Variants in POU2F1 observed in about 807,000 individuals in gnomAD.
POU2F1 encodes the protein POU domain, class 2, transcription factor 1.
POU2F1 carries 16 observed loss-of-function variants against 84.9 expected under a neutral mutation model. The observed-to-expected ratio is 0.19, with a 90% CI of 0.13 to 0.29. The LOEUF is 0.29. Ranked by LOEUF, POU2F1 falls within the 10% of genes least tolerant of loss-of-function variation. The pLI, the probability that POU2F1 is intolerant of heterozygous loss-of-function variation, is 1.00. For synonymous variants in POU2F1, 368 were observed against 368.3 expected (o/e 1.00, Z 0.01); for missense variants, 738 against 942.6 (o/e 0.78, Z 2.84).
At chr1:167,242,967 T>G (rs1054239819) in intron 1 of POU2F1, among the ~76,000 whole-genome samples, 1 of 151,798 alleles carries the variant, frequency 6.6e-6, no homozygotes, top group South Asian at 2.1e-4. Context: ...TCCCCCGCTT[T>G]CTTTCTTATT....
intron 1 of POU2F1, among the ~76,000 whole-genome samples, chr1:167,271,464 A>G (rs1274119705): frequency 6.6e-6 from 1 of 152,244 alleles, no homozygotes; most frequent in Non-Finnish European, 1.5e-5. Context: ...AAAAGGCATA[A>G]TAAGATTGGT....
intron 9 of POU2F1, among the ~76,000 whole-genome samples, chr1:167,391,220 G>A (rs756282733): frequency 6.6e-6 from 1 of 152,120 alleles, no homozygotes; most frequent in African/African-American, 2.4e-5. Context: ...GATTACAGGT[G>A]TGAGCCACTG....
intron 1 of POU2F1, among the ~76,000 whole-genome samples, chr1:167,319,374 C>G (rs1656151634): frequency 6.6e-6 from 1 of 152,120 alleles, no homozygotes. Context: ...TGTTTAGCTG[C>G]TGATAACATC....
At position 167,419,832 on chromosome 1, in the gene POU2F1, A is replaced by G. The variant is rs1233052730; in HGVS notation, c.*4022A>G. 1.3e-5 allele frequency: 2 copies of G among 152,246 alleles called. No homozygotes were observed. Among genetic ancestry groups the G allele is most frequent in the African/African-American group, 2.4e-5 (1 of 41,468 alleles). The allele number at this position is 152,246 out of a possible 1,614,324, so 9.4% of individuals were successfully genotyped here. A position where few individuals can be genotyped will look rare whatever the true frequency, so the allele number is the denominator to read the frequency against. On this transcript the variant is annotated 3_prime_UTR_variant, in exon 16 of 16. Transcript: ENST00000367866. ...ATTTTGTGTAGAATCATACCTACTT[A>G]TACTTAATGCTAGCACTGTAAGAAA... is the stretch of plus-strand genomic sequence containing the variant.
At chr1:167,233,581 G>A (rs1249132416) in intron 1 of POU2F1, among the ~76,000 whole-genome samples, 2 of 152,170 alleles carry the variant, frequency 1.3e-5, no homozygotes, top group African/African-American at 4.8e-5. Context: ...TATACCATTT[G>A]GGTTTGTGTA....
At chr1:167,260,147 G>A (rs1651450130) in intron 1 of POU2F1, among the ~76,000 whole-genome samples, 1 of 152,128 alleles carries the variant, frequency 6.6e-6, no homozygotes, top group South Asian at 2.1e-4. Flanking sequence ...CAAAGTGCTG[G>A]GGTTACAGGC....
At chr1:167,339,492 A>G (rs1657693967) in intron 2 of POU2F1, among the ~76,000 whole-genome samples, 1 of 152,248 alleles carries the variant, frequency 6.6e-6, no homozygotes, top group African/African-American at 2.4e-5. Context: ...TAAATCAACT[A>G]TTTTGATGTA....
chr1:167,222,444 T>G (rs1446230961), intron 1 of POU2F1, among the ~76,000 whole-genome samples: 1 of 152,172 alleles, frequency 6.6e-6, no homozygotes, highest in Non-Finnish European at 1.5e-5. Flanking sequence ...CGTGTTTATA[T>G]TTTACATTCG....
intron 1 of POU2F1, among the ~76,000 whole-genome samples, chr1:167,314,269 A>G (rs1024860717): frequency 1.3e-5 from 2 of 152,154 alleles, no homozygotes; most frequent in African/African-American, 4.8e-5. Context: ...ATGGATGGCA[A>G]ATAAGCACAT....
At chr1:167,317,650 A>G (rs1656003941) in intron 1 of POU2F1, among the ~76,000 whole-genome samples, 2 of 152,218 alleles carry the variant, frequency 1.3e-5, no homozygotes, top group Admixed American at 1.3e-4. Flanking sequence ...TCATGCTATT[A>G]TTTGTGGTTC....
At chr1:167,340,707 A>G (rs1657789710) in intron 2 of POU2F1, among the ~76,000 whole-genome samples, 2 of 151,996 alleles carry the variant, frequency 1.3e-5, no homozygotes, top group South Asian at 4.1e-4. Flanking sequence ...GATTATAGGC[A>G]TGAGCCACCA....
intron 7 of POU2F1, chr1:167,379,284 C>T (rs902753259): frequency 6.6e-6 from 1 of 152,112 alleles, no homozygotes; most frequent in Admixed American, 6.5e-5. Flanking sequence ...ATAAGAAAGT[C>T]TTCTGTCAAC....
At chr1:167,245,858 A>C (rs565514416) in intron 1 of POU2F1, among the ~76,000 whole-genome samples, 1 of 152,364 alleles carries the variant, frequency 6.6e-6, no homozygotes, top group East Asian at 1.9e-4. Context: ...TCCGTGGCTC[A>C]ACTCAAATAA....
chr1:167,254,935 C>G (rs892259450), intron 1 of POU2F1, among the ~76,000 whole-genome samples: 1 of 152,278 alleles, frequency 6.6e-6, no homozygotes, highest in East Asian at 1.9e-4. Flanking sequence ...CTGCCAGGAA[C>G]AATTTGAAGT....
chr1:167,322,553 A>T (rs1483135999), intron 1 of POU2F1, among the ~76,000 whole-genome samples: 1 of 152,198 alleles, frequency 6.6e-6, no homozygotes. Flanking sequence ...GGGGACAGGC[A>T]TTGTACAGGG....
At chr1:167,259,703 T>C (rs886220095) in intron 1 of POU2F1, among the ~76,000 whole-genome samples, 10 of 152,186 alleles carry the variant, frequency 6.6e-5, no homozygotes, top group African/African-American at 2.4e-4. Flanking sequence ...CGAGAGTGAC[T>C]ATATCAATTT....
At chr1:167,391,356 G>A (rs1648385402) in intron 9 of POU2F1, among the ~76,000 whole-genome samples, 1 of 151,882 alleles carries the variant, frequency 6.6e-6, no homozygotes, top group Non-Finnish European at 1.5e-5. Flanking sequence ...GTGCCTTTAT[G>A]GAATCAGGAG....
chr1:167,278,900 G>A (rs538090406), intron 1 of POU2F1, among the ~76,000 whole-genome samples: 33 of 152,108 alleles, frequency 2.2e-4, no homozygotes, highest in African/African-American at 6.0e-4. Flanking sequence ...GTGTCTTTGA[G>A]TATGATTCTT....
intron 1 of POU2F1, among the ~76,000 whole-genome samples, chr1:167,282,209 C>G (rs1653197270): frequency 6.6e-6 from 1 of 151,626 alleles, no homozygotes; most frequent in Non-Finnish European, 1.5e-5. Context: ...GTGGCGCGAT[C>G]CCGGCTCACT....
Sources: gnomAD v4.1 joint callset for allele counts (sites outside exome capture counted in the v4.1 genomes callset) on GRCh38, gnomAD v4.1.1 for gene constraint, MANE v1.5 for transcripts, NCBI Gene and HGNC (gene_info 2026-07-23, HGNC 2026-07-21) for gene names.